Variants in MGAT4C observed in about 807,000 individuals in gnomAD.
The protein encoded by MGAT4C is alpha-1,3-mannosyl-glycoprotein 4-beta-N-acetylglucosaminyltransferase C.
A neutral mutation model predicts 40.1 loss-of-function variants in MGAT4C; 19 were observed. The observed-to-expected ratio is 0.47, with a 90% CI of 0.33 to 0.70. The LOEUF is 0.70. Ranked by LOEUF, MGAT4C falls within the 30% of genes least tolerant of loss-of-function variation. MGAT4C has a pLI of 0.02. For synonymous variants in MGAT4C, 181 were observed against 187.1 expected, an observed-to-expected ratio of 0.97 and a Z score of 0.27; for missense variants, 491 against 563.2, an observed-to-expected ratio of 0.87 and a Z score of 1.30.
intron 4 of MGAT4C, among the ~76,000 whole-genome samples, chr12:86,280,402 T>C (rs1457537045): frequency 1.3e-5 from 2 of 151,962 alleles, no homozygotes; most frequent in Non-Finnish European, 2.9e-5. Context: ...TATTTTTATT[T>C]TAACTAAATT....
rs189066649 is a variant in MGAT4C, at chr12:86,514,001, G to C, written c.-228-78736C>G. Reference sequence around the variant, plus strand: ...GAGAATTGTCATCATCTGACAAGCAGGAAGTGCAAGCAGAAAGTGAAAGCA... The same window carrying C: ...GAGAATTGTCATCATCTGACAAGCACGAAGTGCAAGCAGAAAGTGAAAGCA... On this transcript the variant is annotated intron_variant, in intron 2 of 7. Coordinates refer to the MGAT4C transcript ENST00000548651. Among the ~76,000 whole-genome samples the C allele has an allele frequency of 2.6e-5, 4 of 151,170 alleles. No homozygotes were observed. The Admixed American group carries it at 2.7e-4, about 10-fold the overall frequency.
At chr12:86,610,273 A>G (rs751624674) in intron 2 of MGAT4C, among the ~76,000 whole-genome samples, 1 of 152,186 alleles carries the variant, frequency 6.6e-6, no homozygotes, top group Non-Finnish European at 1.5e-5. Flanking sequence ...AGAGTTCTTG[A>G]ACTCCCATGC....
chr12:86,210,254 AG>A (rs1394567740), intron 1 of MGAT4C, among the ~76,000 whole-genome samples: 1 of 152,232 alleles, frequency 6.6e-6, no homozygotes, highest in Non-Finnish European at 1.5e-5. Context: ...TTATAAATAA[AG>A]CCATTTAAAA....
intron 2 of MGAT4C, among the ~76,000 whole-genome samples, chr12:86,497,974 TTATA>T (rs1176528170): frequency 6.9e-6 from 1 of 145,248 alleles, no homozygotes; most frequent in East Asian, 2.0e-4. Context: ...TAAATATATA[TTATA>T]TATATAATCT....
At chr12:86,083,070 T>C (rs1871136754) in intron 1 of MGAT4C, among the ~76,000 whole-genome samples, 1 of 152,164 alleles carries the variant, frequency 6.6e-6, no homozygotes, top group East Asian at 1.9e-4. Context: ...TGTCCTTTAA[T>C]GGTGTCATTA....
intron 2 of MGAT4C, among the ~76,000 whole-genome samples, chr12:86,653,482 G>A (rs1963753950): frequency 6.6e-6 from 1 of 151,788 alleles, no homozygotes; most frequent in Admixed American, 6.6e-5. Context: ...GCTATAGTAG[G>A]GCTTTATCCG....
chr12:86,814,015 A>G (rs1017834891), intron 1 of MGAT4C, among the ~76,000 whole-genome samples: 3 of 151,688 alleles, frequency 2.0e-5, no homozygotes, highest in Admixed American at 2.0e-4. Flanking sequence ...GGTTCAAGCA[A>G]TTCTCCTGCC....
chr12:86,121,724 C>T (rs1233220392), intron 1 of MGAT4C, among the ~76,000 whole-genome samples: 1 of 152,158 alleles, frequency 6.6e-6, no homozygotes, highest in Non-Finnish European at 1.5e-5. Flanking sequence ...CCAGGGCCTG[C>T]CTTACAAAAG....
intron 2 of MGAT4C, among the ~76,000 whole-genome samples, chr12:86,007,628 CAG>C (rs1472577293): frequency 6.6e-6 from 1 of 151,534 alleles, no homozygotes; most frequent in Non-Finnish European, 1.5e-5. Flanking sequence ...TTTAAACAAA[CAG>C]AAAAAAACAA....
intron 2 of MGAT4C, among the ~76,000 whole-genome samples, chr12:86,627,614 A>C (rs768677869): frequency 6.6e-6 from 1 of 152,190 alleles, no homozygotes; most frequent in African/African-American, 2.4e-5. Context: ...TCTGGAGTGG[A>C]GCTCCAGCAA....
chr12:86,655,920 G>A (rs759123339), intron 2 of MGAT4C, among the ~76,000 whole-genome samples: 5 of 152,034 alleles, frequency 3.3e-5, no homozygotes, highest in Non-Finnish European at 7.4e-5. Context: ...TGGGTCTGAT[G>A]CTCACGAGTT....
chr12:85,980,476 T>C (rs747318851), intron 4 of MGAT4C, 46 bp from the exon 5 acceptor site: 45 of 1,482,600 alleles, frequency 3.0e-5, no homozygotes, highest in Non-Finnish European at 3.9e-5. Flanking sequence ...ACTAGAAATA[T>C]GGAAAAAGTA....
intron 2 of MGAT4C, among the ~76,000 whole-genome samples, chr12:86,497,949 A>T (rs1302840067): frequency 1.4e-5 from 2 of 145,236 alleles, no homozygotes; most frequent in Admixed American, 7.1e-5. Flanking sequence ...TATATAATAT[A>T]TAAAATATAT....
intron 1 of MGAT4C, among the ~76,000 whole-genome samples, chr12:86,248,629 C>CT (rs1263991344): frequency 6.6e-6 from 1 of 152,062 alleles, no homozygotes; most frequent in Non-Finnish European, 1.5e-5. Context: ...TCTGTCATGC[C>CT]TTTTCTGTCC....
intron 2 of MGAT4C, among the ~76,000 whole-genome samples, chr12:86,637,593 A>T (rs1039135048): frequency 8.0e-4 from 122 of 152,030 alleles, no homozygotes; most frequent in African/African-American, 2.8e-3. Flanking sequence ...TTAGGAGGAT[A>T]TTCTCACTTC....
At chr12:86,683,542 T>A (rs1279340449) in intron 2 of MGAT4C, among the ~76,000 whole-genome samples, 2 of 151,924 alleles carry the variant, frequency 1.3e-5, no homozygotes, top group African/African-American at 4.8e-5. Flanking sequence ...TATGTTTGGA[T>A]ATGAATGAGG....
chr12:86,811,886 C>T (rs766694329), intron 1 of MGAT4C, among the ~76,000 whole-genome samples: 13 of 152,162 alleles, frequency 8.5e-5, no homozygotes, highest in Non-Finnish European at 1.5e-4. Flanking sequence ...TTTCTAGTTT[C>T]TTGATGTAGA....
chr12:86,665,950 A>C (rs1410415573), intron 2 of MGAT4C, among the ~76,000 whole-genome samples: 1 of 152,182 alleles, frequency 6.6e-6, no homozygotes, highest in Non-Finnish European at 1.5e-5. Flanking sequence ...AAACCATTAT[A>C]TATGTGGGGT....
intron 1 of MGAT4C, among the ~76,000 whole-genome samples, chr12:86,246,399 G>C (rs1336043670): frequency 6.6e-6 from 1 of 151,772 alleles, no homozygotes; most frequent in Non-Finnish European, 1.5e-5. Flanking sequence ...ATTCCAGAAG[G>C]TTTCTTTGTT....
Sources: allele counts gnomAD v4.1 joint callset (sites outside exome capture counted in the v4.1 genomes callset), GRCh38; gene constraint gnomAD v4.1.1; transcripts MANE v1.5; gene names NCBI Gene and HGNC (gene_info 2026-07-23, HGNC 2026-07-21).